Variants in FSTL4 observed in about 807,000 individuals in gnomAD.
FSTL4 encodes follistatin like 4, also known as follistatin-related protein 4.
Under a neutral mutation model 78.2 loss-of-function variants are expected in FSTL4, and 28 were observed. That is an observed-to-expected ratio of 0.36 (90% CI 0.27 to 0.49). FSTL4 has a LOEUF of 0.49. FSTL4 is among the 20% of genes least tolerant of loss of function. The probability of loss-of-function intolerance (pLI) is 0.98; values close to 1 mark genes in which losing one functional copy is unlikely to be tolerated. For synonymous variants in FSTL4, 422 were observed against 440.5 expected, an observed-to-expected ratio of 0.96 and a Z score of 0.53; for missense variants, 922 against 1,084.9, an observed-to-expected ratio of 0.85 and a Z score of 2.11.
chr5:133,620,283 A>G, the FSTL4 span, among the ~76,000 whole-genome samples: 3 of 152,192 alleles, frequency 2.0e-5, no homozygotes, highest in Admixed American at 1.3e-4. Flanking sequence ...ATTTCAGGCC[A>G]CTATTTCCAA....
chr5:133,766,676 C>A, the FSTL4 span, among the ~76,000 whole-genome samples: 1 of 152,112 alleles, frequency 6.6e-6, no homozygotes, highest in Non-Finnish European at 1.5e-5. Context: ...CCTGGAAGAG[C>A]TGGGTGTGGA....
the FSTL4 span, among the ~76,000 whole-genome samples, chr5:133,747,646 G>C: frequency 1.3e-5 from 2 of 152,140 alleles, no homozygotes; most frequent in Non-Finnish European, 1.5e-5. Flanking sequence ...ATGTAATCAG[G>C]CTCTAATAAG....
At chr5:133,245,536 C>T (rs1752016623) in intron 7 of FSTL4, among the ~76,000 whole-genome samples, 1 of 152,230 alleles carries the variant, frequency 6.6e-6, no homozygotes, top group Non-Finnish European at 1.5e-5. Context: ...TTATTCCTGT[C>T]TCCTGAAGCC....
intron 3 of FSTL4, among the ~76,000 whole-genome samples, chr5:133,445,103 C>G (rs998140237): frequency 2.0e-5 from 3 of 152,236 alleles, no homozygotes; most frequent in Non-Finnish European, 4.4e-5. Context: ...GACTGAAGAC[C>G]CAGCAATCCA....
chr5:133,821,936 A>T, the FSTL4 span, among the ~76,000 whole-genome samples: 2 of 152,186 alleles, frequency 1.3e-5, no homozygotes, highest in African/African-American at 2.4e-5. Context: ...ATGGGAGCCC[A>T]ACGGGGGCAC....
At chr5:133,431,822 C>T (rs939551381) in intron 3 of FSTL4, among the ~76,000 whole-genome samples, 8 of 152,132 alleles carry the variant, frequency 5.3e-5, no homozygotes, top group African/African-American at 1.9e-4. Flanking sequence ...CATTGGCCAC[C>T]TGGGTCTAGG....
chr5:133,749,006 A>C, the FSTL4 span, among the ~76,000 whole-genome samples: 1 of 152,186 alleles, frequency 6.6e-6, no homozygotes, highest in Non-Finnish European at 1.5e-5. Context: ...CCTCTCAAGG[A>C]TAGGACAATT....
the FSTL4 span, among the ~76,000 whole-genome samples, chr5:133,663,990 C>T: frequency 6.6e-6 from 1 of 152,144 alleles, no homozygotes. Flanking sequence ...GAGCAAATGT[C>T]CAAAGAGCTG....
At chr5:133,257,922 A>G (rs1752422609) in intron 6 of FSTL4, among the ~76,000 whole-genome samples, 1 of 152,212 alleles carries the variant, frequency 6.6e-6, no homozygotes, top group Non-Finnish European at 1.5e-5. Flanking sequence ...TTAAGGGGGA[A>G]AAGAATGTAT....
the FSTL4 span, among the ~76,000 whole-genome samples, chr5:133,754,176 G>T: frequency 6.6e-6 from 1 of 152,166 alleles, no homozygotes; most frequent in Non-Finnish European, 1.5e-5. Context: ...AGACAAGAGA[G>T]CAAACCGGAA....
At chr5:133,268,295 A>ACTT (rs1369653064) in intron 6 of FSTL4, among the ~76,000 whole-genome samples, 2 of 152,108 alleles carry the variant, frequency 1.3e-5, no homozygotes, top group African/African-American at 4.8e-5. Context: ...AGCACAGAAC[A>ACTT]CTTTGGGTCC....
intron 6 of FSTL4, among the ~76,000 whole-genome samples, chr5:133,287,385 C>T (rs1164535463): frequency 4.6e-5 from 6 of 130,530 alleles, no homozygotes; most frequent in East Asian, 2.2e-4. Context: ...GAGACTCCAT[C>T]TCAAAAAAAA....
Position 133,316,484 on chromosome 5 carries a change from T to G in FSTL4, c.578A>C (p.His193Pro). 1 of 1,614,042 alleles carries G rather than the reference T, an allele frequency of 6.2e-7. No homozygotes were observed. Among genetic ancestry groups the G allele is most frequent in the Non-Finnish European group, 8.5e-7 (1 of 1,179,940 alleles). Residue 193 changes from histidine to proline, a missense_variant, in exon 5 of 16, where the codon CAC (histidine) becomes CCC (proline). His to Pro is a moderately conservative substitution (Grantham distance 77, BLOSUM62 -2). Coordinates refer to ENST00000265342, the MANE Select transcript of FSTL4 (RefSeq NM_015082.2). ...CTGAGCCAGTTCGGAGCTGCTGAGGTGGCCATTGCCATCTGCATCTAAGTC... is the reference window on the plus strand; with the variant it reads ...CTGAGCCAGTTCGGAGCTGCTGAGGGGGCCATTGCCATCTGCATCTAAGTC... The part of the protein sequence containing the change: ...FRDLDADGNG[H>P]LSSSELAQHV...
At chr5:133,375,291 C>CATATATATATGTATGTGTATATATATAT (rs67110507) in intron 4 of FSTL4, among the ~76,000 whole-genome samples, 1 of 57,950 alleles carries the variant, frequency 1.7e-5, no homozygotes, top group Admixed American at 2.5e-4. Flanking sequence ...GTGTGCATGG[C>CATATATATATGTATGTGTATATATATAT]ATATATATAT....
chr5:133,639,469 G>A, the FSTL4 span, among the ~76,000 whole-genome samples: 1 of 152,194 alleles, frequency 6.6e-6, no homozygotes, highest in Admixed American at 6.5e-5. Flanking sequence ...GTGAGACACA[G>A]GATTTCCCAA....
At chr5:133,723,807 A>G in the FSTL4 span, among the ~76,000 whole-genome samples, 1 of 152,156 alleles carries the variant, frequency 6.6e-6, no homozygotes, top group Non-Finnish European at 1.5e-5. Context: ...CTACTCCAGT[A>G]TGCTGGAGGC....
chr5:133,841,687 A>G, the FSTL4 span, among the ~76,000 whole-genome samples: 1 of 152,210 alleles, frequency 6.6e-6, no homozygotes, highest in Non-Finnish European at 1.5e-5. Context: ...CCCAACACAC[A>G]GCACAGGGCC....
the FSTL4 span, among the ~76,000 whole-genome samples, chr5:133,694,116 C>T: frequency 1.3e-5 from 2 of 152,294 alleles, no homozygotes; most frequent in Admixed American, 1.3e-4. Context: ...CTTCAAATTC[C>T]AGACTGAAAT....
chr5:133,331,043 C>T (rs1002059654), intron 4 of FSTL4, among the ~76,000 whole-genome samples: 1 of 152,160 alleles, frequency 6.6e-6, no homozygotes, highest in Non-Finnish European at 1.5e-5. Context: ...GGCTCCTGGC[C>T]TCTAGGAAGG....
Sources: gnomAD v4.1 joint callset for allele counts (sites outside exome capture counted in the v4.1 genomes callset) on GRCh38, gnomAD v4.1.1 for gene constraint, MANE v1.5 for transcripts, NCBI Gene and HGNC (gene_info 2026-07-23, HGNC 2026-07-21) for gene names.